Variants in TMEM108 observed in about 807,000 individuals in gnomAD.
The protein encoded by TMEM108 is cancer/testis antigen 124.
Under a neutral mutation model 35.1 loss-of-function variants are expected in TMEM108, and 12 were observed. The observed-to-expected ratio is 0.34, with a 90% CI of 0.22 to 0.55. The LOEUF is 0.55. Ranked by LOEUF, TMEM108 falls within the 20% of genes least tolerant of loss-of-function variation. TMEM108 has a pLI of 0.89. For synonymous variants in TMEM108, 287 were observed against 308.6 expected, an observed-to-expected ratio of 0.93 and a Z score of 0.73; for missense variants, 680 against 753.3, an observed-to-expected ratio of 0.90 and a Z score of 1.14.
intron 2 of TMEM108, among the ~76,000 whole-genome samples, chr3:133,207,459 T>C (rs1227115660): frequency 1.3e-5 from 2 of 152,084 alleles, no homozygotes; most frequent in Admixed American, 6.5e-5. Flanking sequence ...GGACCTCTGA[T>C]TTGAGCTGAT....
chr3:133,225,804 C>T (rs988687078), intron 2 of TMEM108, among the ~76,000 whole-genome samples: 5 of 152,020 alleles, frequency 3.3e-5, no homozygotes, highest in African/African-American at 1.2e-4. Flanking sequence ...GAAGAATGAG[C>T]AAACAGAAAA....
At chr3:133,174,256 G>A (rs1034624486) in intron 2 of TMEM108, among the ~76,000 whole-genome samples, 3 of 152,368 alleles carry the variant, frequency 2.0e-5, no homozygotes, top group East Asian at 1.9e-4. Flanking sequence ...TGGGGACGGG[G>A]CATTGCCAAA....
intron 3 of TMEM108, among the ~76,000 whole-genome samples, chr3:133,321,615 G>A (rs921034970): frequency 1.3e-5 from 2 of 152,132 alleles, no homozygotes; most frequent in South Asian, 2.1e-4. Flanking sequence ...GCACCAGACA[G>A]GTTATCAAGA....
At chr3:133,047,447 TG>T (rs1402083347) in intron 2 of TMEM108, among the ~76,000 whole-genome samples, 1 of 152,210 alleles carries the variant, frequency 6.6e-6, no homozygotes, top group African/African-American at 2.4e-5. Flanking sequence ...ATTATTGATT[TG>T]GGGTCAAATA....
chr3:133,068,378 A>C (rs116510723), intron 2 of TMEM108, among the ~76,000 whole-genome samples: 2,532 of 152,210 alleles, frequency 0.017, 83 homozygotes, highest in African/African-American at 0.058. Context: ...AAGAGGTTAA[A>C]GTGTGAGGAA....
At chr3:133,150,573 A>G (rs116735822) in intron 2 of TMEM108, among the ~76,000 whole-genome samples, 2,076 of 152,116 alleles carry the variant, frequency 0.014, 53 homozygotes, top group African/African-American at 0.048. Context: ...ATAGTCATAA[A>G]CTTGTAGTTA....
intron 2 of TMEM108, among the ~76,000 whole-genome samples, chr3:133,139,037 T>C (rs961440251): frequency 5.9e-5 from 9 of 152,090 alleles, no homozygotes; most frequent in Non-Finnish European, 7.4e-5. Context: ...TGTTCCTGTG[T>C]TAGTTTGCTG....
chr3:133,199,139 A>G (rs894457968), intron 2 of TMEM108, among the ~76,000 whole-genome samples: 3 of 152,178 alleles, frequency 2.0e-5, no homozygotes, highest in Admixed American at 6.5e-5. Flanking sequence ...CAGCTCCATC[A>G]GGTCCCTTAA....
At chr3:133,071,095 G>T (rs1032214322) in intron 2 of TMEM108, among the ~76,000 whole-genome samples, 1 of 152,028 alleles carries the variant, frequency 6.6e-6, no homozygotes, top group African/African-American at 2.4e-5. Context: ...TTTTTGTTTG[G>T]AAATAATTTC....
chr3:133,349,285 G>C (rs779335017), intron 3 of TMEM108, among the ~76,000 whole-genome samples: 2 of 152,006 alleles, frequency 1.3e-5, no homozygotes, highest in Non-Finnish European at 2.9e-5. Flanking sequence ...GTTGAATGCT[G>C]GTTTAATGTG....
chr3:133,081,431 A>G (rs982788830), intron 2 of TMEM108, among the ~76,000 whole-genome samples: 3 of 152,172 alleles, frequency 2.0e-5, no homozygotes, highest in Admixed American at 1.3e-4. Flanking sequence ...GACCTCATCT[A>G]AATCTAATTA....
chr3:133,214,254 C>A (rs1945874063), intron 2 of TMEM108, among the ~76,000 whole-genome samples: 1 of 152,098 alleles, frequency 6.6e-6, no homozygotes, highest in Non-Finnish European at 1.5e-5. Flanking sequence ...AGTTTACAGG[C>A]ACATAGATAA....
intron 2 of TMEM108, among the ~76,000 whole-genome samples, chr3:133,098,727 G>A (rs1944048705): frequency 6.6e-6 from 1 of 152,174 alleles, no homozygotes; most frequent in Admixed American, 6.5e-5. Flanking sequence ...ATCCAGTGGG[G>A]CAGTCAAATT....
At position 133,305,313 on chromosome 3, in the gene TMEM108, A is replaced by G. The variant is rs373596227; in HGVS notation, c.41-74439A>G. 7.5e-4 allele frequency among the ~76,000 whole-genome samples: 104 copies of G among 138,408 alleles called. No homozygotes were observed. The South Asian group carries it at 0.023, about 31-fold the overall frequency. 90.8% of individuals were successfully genotyped at this position (138,408 alleles called of 152,430 possible). ...CTCACTCATAGGTGGGAATTGAACA[A>G]TGAGATCACATGGACACAGGAAGGG... On this transcript the variant is annotated intron_variant, in intron 3 of 5. Coordinates refer to ENST00000321871, the MANE Select transcript of TMEM108 (RefSeq NM_023943.4).
At chr3:133,054,015 A>G (rs1943435969) in intron 2 of TMEM108, among the ~76,000 whole-genome samples, 1 of 152,130 alleles carries the variant, frequency 6.6e-6, no homozygotes, top group Admixed American at 6.5e-5. Flanking sequence ...ATTTAAGGGT[A>G]TTTGCTTTAG....
chr3:133,286,577 T>C (rs1946989073), intron 3 of TMEM108, among the ~76,000 whole-genome samples: 1 of 152,204 alleles, frequency 6.6e-6, no homozygotes, highest in Non-Finnish European at 1.5e-5. Context: ...GCTCAAGCAA[T>C]CTTCCCGCCT....
intron 2 of TMEM108, among the ~76,000 whole-genome samples, chr3:133,187,903 A>G (rs1345539538): frequency 1.4e-5 from 2 of 146,092 alleles, no homozygotes; most frequent in Admixed American, 1.4e-4. Flanking sequence ...AAAAAAAAAG[A>G]CAGGAACAAA....
At chr3:133,054,913 C>T (rs919043111) in intron 2 of TMEM108, among the ~76,000 whole-genome samples, 5 of 152,194 alleles carry the variant, frequency 3.3e-5, no homozygotes, top group African/African-American at 9.7e-5. Flanking sequence ...AGAAATGCAG[C>T]TTTTGTTGAA....
At chr3:133,160,720 C>G (rs1254272088) in intron 2 of TMEM108, among the ~76,000 whole-genome samples, 1 of 152,222 alleles carries the variant, frequency 6.6e-6, no homozygotes, top group Non-Finnish European at 1.5e-5. Flanking sequence ...ACTTTGAGGA[C>G]CTATCTGCCT....
Sources: allele counts gnomAD v4.1 joint callset (sites outside exome capture counted in the v4.1 genomes callset), GRCh38; gene constraint gnomAD v4.1.1; transcripts MANE v1.5; gene names NCBI Gene and HGNC (gene_info 2026-07-23, HGNC 2026-07-21).